LRRC4B: variants seen among roughly 807,000 people sequenced by gnomAD.
LRRC4B encodes the protein leucine-rich repeat-containing protein 4B.
LRRC4B carries 1 observed loss-of-function variant against 7.3 expected under a neutral mutation model. That is an observed-to-expected ratio of 0.14 (90% confidence interval 0.05 to 0.65). LRRC4B has a LOEUF of 0.65. Among genes scored for constraint, LRRC4B ranks in the 30% least tolerant of loss-of-function variants. The probability of loss-of-function intolerance (pLI) is 0.84; values close to 1 mark genes in which losing one functional copy is unlikely to be tolerated. For synonymous variants in LRRC4B, 500 were observed against 499.2 expected, an observed-to-expected ratio of 1.00 and a Z score of -0.02; for missense variants, 730 against 1,041.6, an observed-to-expected ratio of 0.70 and a Z score of 4.12.
At chr19:50,535,714 C>G (rs1981251501) in intron 2 of LRRC4B, among the ~76,000 whole-genome samples, 1 of 152,160 alleles carries the variant, frequency 6.6e-6, no homozygotes, top group Non-Finnish European at 1.5e-5. Flanking sequence ...CGTTGTGGGC[C>G]CCTGATTCTC....
At chr19:50,546,741 G>A (rs1005775215) in intron 2 of LRRC4B, among the ~76,000 whole-genome samples, 15 of 151,974 alleles carry the variant, frequency 9.9e-5, no homozygotes, top group African/African-American at 1.9e-4. Flanking sequence ...GAGCCCCCTC[G>A]CCCCCCCACA....
At position 50,553,446 on chromosome 19, in the gene LRRC4B, G is replaced by A. The variant is rs1982168433; in HGVS notation, c.-35-4573C>T. On this transcript the variant is annotated intron_variant, in intron 1 of 2. Transcript: ENST00000652263. This position sits in a 1 kb window ranked among gnomAD's most constrained non-coding sequence, Gnocchi z 4.2. ...CTGCTCACTCGCTGTTTCCAGAACA[G>A]GCCGTGCACACCCCGGCCCCAGGGC... Among the ~76,000 whole-genome samples, 1 of 152,194 alleles carries A rather than the reference G, an allele frequency of 6.6e-6. No homozygotes were observed. The highest frequency in any genetic ancestry group is 1.5e-5 in the Non-Finnish European group (1 of 68,024).
Position 50,518,494 on chromosome 19 carries a change from C to T in LRRC4B, c.1219G>A (p.Gly407Ser). Residue 407 changes from glycine to serine, a missense_variant, in exon 3 of 3, where the codon GGC (glycine) becomes AGC (serine). Around this residue, in one of 6 missense-constraint regions of LRRC4B, gnomAD observed 226 missense variants for 448.0 expected, o/e 0.50. Coordinates refer to ENST00000652263, the MANE Select transcript of LRRC4B (RefSeq NM_001080457.2). Reference protein sequence around the residue: ...LTPNGTLMTHGSYRVRISVLH... With the variant: ...LTPNGTLMTHSSYRVRISVLH... ...ACGGAGATGCGCACGCGGTAGGAGCCGTGGGTCATGAGGGTGCCGTTGGGC... is the reference window on the plus strand; with the variant it reads ...ACGGAGATGCGCACGCGGTAGGAGCTGTGGGTCATGAGGGTGCCGTTGGGC... 2 of 1,561,010 alleles carry T rather than the reference C, an allele frequency of 1.3e-6. No individual in the cohort carries two copies. The highest frequency in any genetic ancestry group is 1.8e-5 in the Admixed American group (1 of 54,112).
chr19:50,543,578 G>A (rs953592005), intron 2 of LRRC4B, among the ~76,000 whole-genome samples: 6 of 152,050 alleles, frequency 3.9e-5, no homozygotes, highest in South Asian at 2.1e-4. Context: ...GAGGCCGGGC[G>A]CGGTGGCTCA....
At position 50,553,308 on chromosome 19, in the gene LRRC4B, C is replaced by T. The variant is rs1041360899; in HGVS notation, c.-35-4435G>A. ...CCATGGACCCTGCCCCGCCTCTGCT[C>T]CACAGCCTTCCACAGCTCCCGTCCC... On this transcript the variant is annotated intron_variant, in intron 1 of 2. Coordinates refer to ENST00000652263, the MANE Select transcript of LRRC4B (RefSeq NM_001080457.2). This position sits in a 1 kb window ranked among gnomAD's most constrained non-coding sequence, Gnocchi z 4.2. 2.0e-5 allele frequency among the ~76,000 whole-genome samples: 3 copies of T among 152,190 alleles called. No individual in the cohort carries two copies. Among genetic ancestry groups the T allele is most frequent in the Admixed American group, 6.5e-5 (1 of 15,276 alleles).
intron 2 of LRRC4B, among the ~76,000 whole-genome samples, chr19:50,534,610 C>T (rs909729965): frequency 3.3e-5 from 5 of 152,138 alleles, no homozygotes; most frequent in African/African-American, 7.2e-5. Context: ...GATGTGAATC[C>T]GGCAAAGGGA....
chr19:50,565,448 GTGGGGGCTGC>G (rs905850378), intron 1 of LRRC4B, among the ~76,000 whole-genome samples: 1 of 152,188 alleles, frequency 6.6e-6, no homozygotes, highest in Non-Finnish European at 1.5e-5. Context: ...CTGACTGAGT[GTGGGGGCTGC>G]GTCTGCAACT....
At chr19:50,533,439 A>C (rs112635700) in intron 2 of LRRC4B, among the ~76,000 whole-genome samples, 29 of 145,078 alleles carry the variant, frequency 2.0e-4, no homozygotes, top group Admixed American at 5.4e-4. Context: ...AAGACCAGTT[A>C]ATTCTTCTCT....
intron 2 of LRRC4B, among the ~76,000 whole-genome samples, chr19:50,543,868 A>G (rs1981671329): frequency 6.6e-6 from 1 of 150,740 alleles, no homozygotes; most frequent in Non-Finnish European, 1.5e-5. Context: ...AAAAAAAAAA[A>G]AAAAAGAAAG....
At position 50,555,203 on chromosome 19, in the gene LRRC4B, ATGGTTCTTG is replaced by A. The variant is rs1240617574; in HGVS notation, c.-35-6339_-35-6331del. Among the ~76,000 whole-genome samples, 1 of 152,106 alleles carries A rather than the reference ATGGTTCTTG, an allele frequency of 6.6e-6. No homozygotes were observed. Among genetic ancestry groups the A allele is most frequent in the African/African-American group, 2.4e-5 (1 of 41,426 alleles). On this transcript the variant is annotated intron_variant, in intron 1 of 2. Transcript: ENST00000652263. This position sits in a 1 kb window ranked among gnomAD's most constrained non-coding sequence, Gnocchi z 5.2. ...CTCCCCACGGCCCTGGGAGGAAGGG[ATGGTTCTTG>A]TGCCCATTTTACAGATTCAGAGGTG...
chr19:50,538,591 C>T (rs1193056521), intron 2 of LRRC4B, among the ~76,000 whole-genome samples: 5 of 100,192 alleles, frequency 5.0e-5, no homozygotes, highest in African/African-American at 1.4e-4. Context: ...TTTTTTGAGA[C>T]AGAGTCTTGC....
Position 50,519,517 on chromosome 19 carries a change from C to T in LRRC4B, c.298-102G>A, listed in dbSNP as rs933583099. On this transcript the variant is annotated intron_variant, in intron 2 of 2. Coordinates refer to ENST00000652263, the MANE Select transcript of LRRC4B (RefSeq NM_001080457.2). This position sits in a 1 kb window ranked among gnomAD's most constrained non-coding sequence, Gnocchi z 8.1. ...AGGTGGGGCCGTGTGGCTGGATCTC[C>T]CGTGCTGTGCTGTGACGGTACGACC... 2.4e-5 allele frequency: 34 copies of T among 1,445,378 alleles called. 1 individual carries two copies. Among genetic ancestry groups the T allele is most frequent in the South Asian group, 2.0e-4 (14 of 68,964 alleles). The allele number at this position is 1,445,378 out of a possible 1,614,324, so 89.5% of individuals were successfully genotyped here. A position where few individuals can be genotyped will look rare whatever the true frequency, so the allele number is the denominator to read the frequency against.
At chr19:50,542,260 G>A (rs1184151005) in intron 2 of LRRC4B, among the ~76,000 whole-genome samples, 1 of 152,090 alleles carries the variant, frequency 6.6e-6, no homozygotes, top group Non-Finnish European at 1.5e-5. Context: ...GGGCCCAGCC[G>A]AGGTGGTGCA....
At chr19:50,538,381 T>G (rs1981385915) in intron 2 of LRRC4B, among the ~76,000 whole-genome samples, 1 of 151,964 alleles carries the variant, frequency 6.6e-6, no homozygotes, top group Non-Finnish European at 1.5e-5. Flanking sequence ...GTTTTCTTCC[T>G]TAAAGGGCTC....
rs1444183166 is a variant in LRRC4B, at chr19:50,528,386, C to A, written c.298-8971G>T. ...TTTAGATGGAATTTCACTCTGTCGC[C>A]CAGGCTGGACTGCAGTGGTGCGATC... is the stretch of plus-strand genomic sequence containing the variant. On this transcript the variant is annotated intron_variant, in intron 2 of 2. Transcript: ENST00000652263. 3.3e-5 allele frequency among the ~76,000 whole-genome samples: 5 copies of A among 152,082 alleles called. 1 individual carries two copies. In the East Asian group the frequency reaches 9.7e-4, roughly 29 times the overall value.
At chr19:50,529,476 G>A (rs1599764929) in intron 2 of LRRC4B, among the ~76,000 whole-genome samples, 1 of 152,066 alleles carries the variant, frequency 6.6e-6, no homozygotes, top group Admixed American at 6.6e-5. Flanking sequence ...ATCACTGATC[G>A]CTAGGCAGAG....
Position 50,556,324 on chromosome 19 carries a change from T to C in LRRC4B, c.-35-7451A>G, listed in dbSNP as rs1055854755. Among the ~76,000 whole-genome samples the C allele has an allele frequency of 6.6e-6, 1 of 151,860 alleles. No individual in the cohort carries two copies. The highest frequency in any genetic ancestry group is 2.4e-5 in the African/African-American group (1 of 41,324). On this transcript the variant is annotated intron_variant, in intron 1 of 2. Coordinates refer to ENST00000652263, the MANE Select transcript of LRRC4B (RefSeq NM_001080457.2). This position sits in a 1 kb window ranked among gnomAD's most constrained non-coding sequence, Gnocchi z 4.2. ...TGACTTGCTTGGAGGGGGGCTGTCC[T>C]TTCCCGTGCAGCCACGCCGCTCTCC...
rs1397576607 is a variant in LRRC4B, at chr19:50,548,743, T to G, written c.96A>C (p.Pro32=). ...GALLFLWLFS[P]PLGAGGGGVA... is the part of the protein sequence containing the mutation. ...CTCCACCTCCACCGGCCCCCAGGGG[T>G]GGGGAGAAGAGCCAGAGGAAGAGCA... Residue 32 remains proline (P), a synonymous_variant, in exon 2 of 3, where the codon CCA becomes CCC. Transcript: ENST00000652263. This position sits in a 1 kb window ranked among gnomAD's most constrained non-coding sequence, Gnocchi z 6.8. The G allele has an allele frequency of 1.3e-6, 2 of 1,538,118 alleles. No individual in the cohort carries two copies. The highest frequency in any genetic ancestry group is 1.2e-5 in the South Asian group (1 of 83,814).
At position 50,518,981 on chromosome 19, in the gene LRRC4B, G is replaced by A. The variant is rs369829311; in HGVS notation, c.732C>T (p.Ile244=). The A allele has an allele frequency of 1.4e-4, 229 of 1,613,148 alleles. No homozygotes were observed. Among genetic ancestry groups the A allele is most frequent in the Middle Eastern group, 3.3e-4 (2 of 6,082 alleles). The part of the protein sequence containing the change: ...LELSGNRLDL[I]RPGSFQGLTS... Reference sequence around the variant, plus strand: ...TGAGACCCTGGAAGGAGCCCGGGCGGATCAGGTCCAGCCGGTTGCCCGACA... The same window carrying A: ...TGAGACCCTGGAAGGAGCCCGGGCGAATCAGGTCCAGCCGGTTGCCCGACA... The change falls in exon 3 of 3, where the codon ATC becomes ATT. Residue 244 remains isoleucine (I), a synonymous_variant. Coordinates refer to ENST00000652263, the MANE Select transcript of LRRC4B (RefSeq NM_001080457.2).
Sources: allele counts gnomAD v4.1 joint callset (sites outside exome capture counted in the v4.1 genomes callset), GRCh38; gene constraint gnomAD v4.1.1; regional missense constraint gnomAD v4.1.1; non-coding constraint Gnocchi (gnomAD v3.1); transcripts MANE v1.5; gene names NCBI Gene and HGNC (gene_info 2026-07-23, HGNC 2026-07-21).